Variants in SGK1 observed in about 807,000 individuals in gnomAD.
SGK1 encodes the protein serine/threonine-protein kinase Sgk1.
SGK1 carries 26 observed loss-of-function variants against 64.2 expected under a neutral mutation model. The observed-to-expected ratio is 0.40, with a 90% CI of 0.30 to 0.56. The LOEUF (loss-of-function observed/expected upper bound fraction) is 0.56, where lower values mean the gene tolerates loss of function less well. Among genes scored for constraint, SGK1 ranks in the 20% least tolerant of loss-of-function variants. SGK1 has a pLI of 0.38. For synonymous variants in SGK1, 265 were observed against 239.7 expected, an observed-to-expected ratio of 1.11 and a Z score of -0.98; for missense variants, 519 against 645.6, an observed-to-expected ratio of 0.80 and a Z score of 2.12.
intron 2 of SGK1, among the ~76,000 whole-genome samples, chr6:134,240,577 T>G (rs1392377019): frequency 1.3e-5 from 2 of 152,214 alleles, no homozygotes; most frequent in Non-Finnish European, 2.9e-5. Flanking sequence ...TAATGCTATC[T>G]CTTACATACA....
chr6:134,207,494 G>T (rs1358152521), intron 2 of SGK1, 63 bp from the exon 3 acceptor site: 1 of 1,116,960 alleles, frequency 9.0e-7, no homozygotes. Context: ...GCTATTTTAG[G>T]CTTATAGTTC....
chr6:134,280,001 G>A (rs932349059), intron 1 of SGK1, among the ~76,000 whole-genome samples: 10 of 151,938 alleles, frequency 6.6e-5, no homozygotes, highest in South Asian at 2.1e-4. Flanking sequence ...GAGACCAGCC[G>A]GGGCAACATA....
chr6:134,278,823 T>A (rs1372594145), intron 1 of SGK1, among the ~76,000 whole-genome samples: 5 of 151,122 alleles, frequency 3.3e-5, no homozygotes, highest in African/African-American at 4.9e-5. Flanking sequence ...TTGCTGGAAT[T>A]AAAAAAGGCT....
chr6:134,171,293 T>A, intron 11 of SGK1, 115 bp from the exon 12 acceptor site: 1 of 966,644 alleles, frequency 1.0e-6, no homozygotes, highest in South Asian at 1.5e-5. Context: ...TGAGAAACTC[T>A]CCCCACCTCA....
rs397743391 is a variant in SGK1, at chr6:134,288,720, T to TTG, written c.70-26573_70-26572insCA. ...TTCGGAAGTTCTAAATACTTTTTTT[T>TTG]CCATCTCAGAAATGCTTGGTATCCT... On this transcript the variant is annotated intron_variant, in intron 1 of 13. Transcript: ENST00000367858. Among the ~76,000 whole-genome samples, 11 of 152,000 alleles carry TTG rather than the reference T, an allele frequency of 7.2e-5. No individual in the cohort carries two copies. In the South Asian group the frequency reaches 2.3e-3, roughly 32 times the overall value.
At chr6:134,186,999 A>G (rs1001160137) in intron 3 of SGK1, among the ~76,000 whole-genome samples, 1 of 151,894 alleles carries the variant, frequency 6.6e-6, no homozygotes, top group African/African-American at 2.4e-5. Context: ...GTATTTTAGT[A>G]CAGACGGGGT....
At chr6:134,253,024 AG>A (rs1396302662) in intron 2 of SGK1, among the ~76,000 whole-genome samples, 1 of 152,228 alleles carries the variant, frequency 6.6e-6, no homozygotes, top group Non-Finnish European at 1.5e-5. Context: ...ACAATATAAA[AG>A]TATGTCAGTA....
intron 3 of SGK1, among the ~76,000 whole-genome samples, chr6:134,183,627 A>C (rs117471154): frequency 1.3e-5 from 2 of 152,190 alleles, no homozygotes; most frequent in African/African-American, 4.8e-5. Context: ...AATGTCATTA[A>C]AGTACAGCCT....
intron 3 of SGK1, among the ~76,000 whole-genome samples, chr6:134,185,529 T>C (rs904572860): frequency 6.6e-6 from 1 of 150,696 alleles, no homozygotes; most frequent in Admixed American, 6.7e-5. Context: ...AGTTAAGATA[T>C]GAAACTACAC....
chr6:134,260,801 T>A (rs1254249227), intron 2 of SGK1: 1 of 152,174 alleles, frequency 6.6e-6, no homozygotes, highest in Non-Finnish European at 1.5e-5. Flanking sequence ...GATTATTTTA[T>A]CTCTGGAAAA....
intron 2 of SGK1, among the ~76,000 whole-genome samples, chr6:134,232,427 GAAAGAA>G (rs1476994317): frequency 6.9e-4 from 8 of 11,564 alleles, no homozygotes; most frequent in East Asian, 2.4e-3. Flanking sequence ...AAGAAAGAAA[GAAAGAA>G]AGAAAGAAAG....
chr6:134,211,086 C>T (rs1775881952), intron 2 of SGK1, among the ~76,000 whole-genome samples: 1 of 151,142 alleles, frequency 6.6e-6, no homozygotes, highest in Admixed American at 6.6e-5. Context: ...GATTGTGCCA[C>T]TGCACTCCAG....
intron 2 of SGK1, among the ~76,000 whole-genome samples, chr6:134,221,932 T>C (rs1776096306): frequency 6.6e-6 from 1 of 152,064 alleles, no homozygotes; most frequent in African/African-American, 2.4e-5. Context: ...GGATTACAGG[T>C]GTGAGCTACC....
intron 2 of SGK1, among the ~76,000 whole-genome samples, chr6:134,249,997 T>C (rs985964906): frequency 1.3e-5 from 2 of 152,204 alleles, no homozygotes; most frequent in Non-Finnish European, 2.9e-5. Flanking sequence ...ACTAGAGAGC[T>C]ACCTATCTGC....
At chr6:134,183,848 A>ACCCCCCC (rs1562243390) in intron 3 of SGK1, among the ~76,000 whole-genome samples, 29 of 80,118 alleles carry the variant, frequency 3.6e-4, no homozygotes, top group Non-Finnish European at 6.1e-4. Context: ...ACCTGTCCCC[A>ACCCCCCC]CCCCACCCCC....
At chr6:134,231,186 A>G (rs946683460) in intron 2 of SGK1, among the ~76,000 whole-genome samples, 1 of 152,206 alleles carries the variant, frequency 6.6e-6, no homozygotes, top group African/African-American at 2.4e-5. Context: ...GAGAATCTGT[A>G]TTAAAAAAAA....
intron 3 of SGK1, among the ~76,000 whole-genome samples, chr6:134,186,813 T>G (rs546985261): frequency 2.7e-5 from 4 of 147,934 alleles, no homozygotes; most frequent in African/African-American, 9.9e-5. Flanking sequence ...CACTTCTGGG[T>G]TTTTTTTTTG....
At chr6:134,223,167 G>A (rs147259301) in intron 2 of SGK1, among the ~76,000 whole-genome samples, 9,056 of 151,960 alleles carry the variant, frequency 0.06, 362 homozygotes, top group Non-Finnish European at 0.088. Flanking sequence ...TTGGGAGTTC[G>A]AGACCAGCCT....
At chr6:134,218,647 G>T (rs1431449179) in intron 2 of SGK1, 1 of 152,010 alleles carries the variant, frequency 6.6e-6, no homozygotes, top group Non-Finnish European at 1.5e-5. Flanking sequence ...GGCCAGGCTG[G>T]TCTCAAACTT....
Sources: gnomAD v4.1 joint callset for allele counts (sites outside exome capture counted in the v4.1 genomes callset) on GRCh38, gnomAD v4.1.1 for gene constraint, MANE v1.5 for transcripts, NCBI Gene and HGNC (gene_info 2026-07-23, HGNC 2026-07-21) for gene names.